The following RELN variants were observed in gnomAD, a reference collection of about 807,000 sequenced individuals.
The protein encoded by RELN is reelin.
RELN carries 108 observed loss-of-function variants against 427.6 expected under a neutral mutation model. That is an observed-to-expected ratio of 0.25 (90% CI 0.22 to 0.30). The LOEUF is 0.30. Among genes scored for constraint, RELN ranks in the 10% least tolerant of loss-of-function variants. The pLI, the probability that RELN is intolerant of heterozygous loss-of-function variation, is 1.00. For synonymous variants in RELN, 1,524 were observed against 1,513.4 expected, an observed-to-expected ratio of 1.01 and a Z score of -0.16; for missense variants, 3,715 against 4,302.8, an observed-to-expected ratio of 0.86 and a Z score of 3.82.
chr7:103,578,210 T>C (rs1376109009), intron 28 of RELN, among the ~76,000 whole-genome samples: 2 of 152,190 alleles, frequency 1.3e-5, no homozygotes, highest in Non-Finnish European at 2.9e-5. Context: ...TGAGGAGGTA[T>C]CCTTGTTTGC....
At position 103,805,284 on chromosome 7, in the gene RELN, C is replaced by G. The variant is rs1792571019; in HGVS notation, c.473+28253G>C. On this transcript the variant is annotated intron_variant, in intron 3 of 64. Transcript: ENST00000428762. The stretch of plus-strand genomic sequence containing the variant: ...AACAGATGTGAAAGTGCTTTGTAAA[C>G]AGTAAAAGACAAAATACATGTAGAG... 2.0e-5 allele frequency among the ~76,000 whole-genome samples: 3 copies of G among 152,100 alleles called. No homozygotes were observed. The South Asian group carries it at 6.2e-4, about 31-fold the overall frequency.
chr7:103,521,017 G>A (rs914317329), intron 48 of RELN, among the ~76,000 whole-genome samples: 4 of 135,586 alleles, frequency 3.0e-5, no homozygotes, highest in Admixed American at 1.6e-4. Flanking sequence ...TCGCCCAGGC[G>A]GGACTGCGGA....
At chr7:103,914,139 G>A (rs1225343916) in intron 2 of RELN, among the ~76,000 whole-genome samples, 1 of 152,142 alleles carries the variant, frequency 6.6e-6, no homozygotes, top group Non-Finnish European at 1.5e-5. Flanking sequence ...GAAATGTCTT[G>A]AAGACCAGGT....
chr7:103,482,962 C>T lies in RELN; in HGVS notation c.10191G>A (p.Arg3397=), dbSNP rs1350446371. The change falls in exon 63 of 65, where the codon CGG becomes CGA. Residue 3397 remains arginine, a synonymous_variant. Transcript: ENST00000428762. ...ACCAGCGCAGTAAGACTCCTTTCAT[C>T]CGTGCCTCCCTGGGTCACACACAGA... is the stretch of plus-strand genomic sequence containing the variant. ...RVSYNVPLEA[R]MKGVLLRWWQ... 1.9e-6 allele frequency: 3 copies of T among 1,614,088 alleles called. No individual in the cohort carries two copies. The highest frequency in any genetic ancestry group is 2.5e-6 in the Non-Finnish European group (3 of 1,179,944).
At chr7:103,955,211 T>G (rs1427644953) in intron 1 of RELN, among the ~76,000 whole-genome samples, 1 of 152,194 alleles carries the variant, frequency 6.6e-6, no homozygotes, top group African/African-American at 2.4e-5. Context: ...AGACCTTGAG[T>G]GATAATCTGC....
intron 1 of RELN, among the ~76,000 whole-genome samples, chr7:103,926,099 C>CTTTTTT (rs55899563): frequency 0.22 from 19,540 of 89,778 alleles, 3,266 homozygotes; most frequent in Non-Finnish European, 0.26. Flanking sequence ...CCCACCCCGC[C>CTTTTTT]TTTTTTTTTT....
intron 28 of RELN, 21 bp downstream of exon 28, chr7:103,589,575 C>T (rs1175713715): frequency 6.6e-7 from 1 of 1,522,170 alleles, no homozygotes; most frequent in Non-Finnish European, 9.1e-7. Flanking sequence ...GGCCCAAACC[C>T]ATTAAGAATG....
chr7:103,596,419 T>C (rs113059133), intron 25 of RELN, 37 bp downstream of exon 25: 11 of 1,540,472 alleles, frequency 7.1e-6, no homozygotes, highest in Non-Finnish European at 9.9e-6. Context: ...TTACCATTCC[T>C]GGAAACTAAT....
At chr7:103,873,778 CA>C (rs1794409904) in intron 2 of RELN, among the ~76,000 whole-genome samples, 1 of 134,578 alleles carries the variant, frequency 7.4e-6, no homozygotes. Flanking sequence ...ACCAGAGGTA[CA>C]AGGAGGAACT....
chr7:103,663,875 G>T (rs918924978), intron 11 of RELN, among the ~76,000 whole-genome samples: 3 of 152,058 alleles, frequency 2.0e-5, no homozygotes, highest in Non-Finnish European at 4.4e-5. Context: ...TTAAAGATTC[G>T]CAGGCCTAAA....
intron 4 of RELN, among the ~76,000 whole-genome samples, chr7:103,774,914 G>A (rs968832840): frequency 6.6e-6 from 1 of 152,082 alleles, no homozygotes; most frequent in African/African-American, 2.4e-5. Flanking sequence ...TGTAAATCAT[G>A]CTTATGTGTA....
At chr7:103,946,384 A>G (rs1448712559) in intron 1 of RELN, among the ~76,000 whole-genome samples, 1 of 152,226 alleles carries the variant, frequency 6.6e-6, no homozygotes, top group African/African-American at 2.4e-5. Context: ...TGAAACATTG[A>G]ACAAAAAAAA....
chr7:103,834,723 A>G (rs1563040750), intron 2 of RELN, among the ~76,000 whole-genome samples: 1 of 152,156 alleles, frequency 6.6e-6, no homozygotes, highest in Non-Finnish European at 1.5e-5. Context: ...GTCATTAGGG[A>G]ACTGCACATT....
intron 1 of RELN, among the ~76,000 whole-genome samples, chr7:103,930,154 T>A (rs6954835): frequency 3.9e-5 from 6 of 151,910 alleles, no homozygotes; most frequent in Non-Finnish European, 7.4e-5. Flanking sequence ...CTGAGAGCAA[T>A]GTGTTCACAG....
intron 3 of RELN, among the ~76,000 whole-genome samples, chr7:103,811,834 C>T (rs1368926193): frequency 3.3e-5 from 5 of 152,208 alleles, no homozygotes; most frequent in Admixed American, 2.6e-4. Context: ...AACATCCTTT[C>T]ATCCAGAAGT....
chr7:103,497,861 C>G lies in RELN; in HGVS notation c.8909G>C (p.Cys2970Ser). ...GTCCAACAGCACGCCTTCCTTCCGGCAGATGGGACGATGGCAAGAGGTCAT... is the reference window on the plus strand; with the variant it reads ...GTCCAACAGCACGCCTTCCTTCCGGGAGATGGGACGATGGCAAGAGGTCAT... Reference protein sequence around the residue: ...NNMTSCHRPICRKEGVLLDYS... With the variant: ...NNMTSCHRPISRKEGVLLDYS... Residue 2970 changes from cysteine to serine, a missense_variant, in exon 55 of 65, where the codon TGC becomes TCC. Physicochemically the swap from Cys to Ser is moderately radical, Grantham distance 112 (BLOSUM62 -1). Coordinates refer to ENST00000428762, the MANE Select transcript of RELN (RefSeq NM_005045.4). 1 of 1,614,136 alleles carries G rather than the reference C, an allele frequency of 6.2e-7. No homozygotes were observed. The highest frequency in any genetic ancestry group is 8.5e-7 in the Non-Finnish European group (1 of 1,180,010).
intron 2 of RELN, among the ~76,000 whole-genome samples, chr7:103,839,983 G>T (rs1276963063): frequency 6.6e-6 from 1 of 152,122 alleles, no homozygotes; most frequent in Non-Finnish European, 1.5e-5. Context: ...CACGAGATCT[G>T]GTTGTTTGAA....
chr7:103,657,025 G>A (rs1584382233), intron 12 of RELN, among the ~76,000 whole-genome samples: 1 of 152,060 alleles, frequency 6.6e-6, no homozygotes, highest in South Asian at 2.1e-4. Flanking sequence ...GTAAGTCTTG[G>A]AGGATGGTTT....
chr7:103,505,124 G>C (rs1168484865), intron 51 of RELN, among the ~76,000 whole-genome samples: 2 of 152,186 alleles, frequency 1.3e-5, no homozygotes, highest in Non-Finnish European at 2.9e-5. Context: ...TGGGGGAAGG[G>C]GTGCTGTGGG....
Sources: gnomAD v4.1 joint callset for allele counts (sites outside exome capture counted in the v4.1 genomes callset) on GRCh38, gnomAD v4.1.1 for gene constraint, MANE v1.5 for transcripts, NCBI Gene and HGNC (gene_info 2026-07-23, HGNC 2026-07-21) for gene names.